The following ZNF804B variants were observed in gnomAD, a reference collection of about 807,000 sequenced individuals.
ZNF804B encodes the protein zinc finger 804B.
In ZNF804B, 80 loss-of-function variants were observed where a neutral mutation model predicts 101.4. The ratio of observed to expected loss-of-function variants is 0.79; its 90% CI spans 0.66 to 0.95. The LOEUF is 0.95. ZNF804B is among the 40% of genes least tolerant of loss of function. ZNF804B has a pLI of 0.00. For synonymous variants in ZNF804B, 622 were observed against 558.8 expected (o/e 1.11, Z -1.59); for missense variants, 1,673 against 1,561.9 (o/e 1.07, Z -1.20).
intron 1 of ZNF804B, among the ~76,000 whole-genome samples, chr7:89,097,011 A>G (rs1789980292): frequency 6.6e-6 from 1 of 152,114 alleles, no homozygotes; most frequent in Non-Finnish European, 1.5e-5. Flanking sequence ...GCTTATCCAG[A>G]AAGTCATTTT....
chr7:89,326,417 C>T (rs1220417483), intron 2 of ZNF804B, among the ~76,000 whole-genome samples: 1 of 152,078 alleles, frequency 6.6e-6, no homozygotes, highest in African/African-American at 2.4e-5. Context: ...ATTATTACGT[C>T]ACATGATAAC....
At chr7:88,963,431 C>G (rs981793934) in intron 1 of ZNF804B, among the ~76,000 whole-genome samples, 1 of 151,248 alleles carries the variant, frequency 6.6e-6, no homozygotes, top group Non-Finnish European at 1.5e-5. Context: ...GCAGTACTTT[C>G]AACAGATGGT....
chr7:88,773,677 C>T (rs1003344090), intron 1 of ZNF804B, among the ~76,000 whole-genome samples: 3 of 152,006 alleles, frequency 2.0e-5, no homozygotes, highest in African/African-American at 7.3e-5. Context: ...CACGGTTCTG[C>T]AGGCTTTACA....
chr7:88,915,844 G>A lies in ZNF804B; in HGVS notation c.108+155760G>A, dbSNP rs182717430. On this transcript the variant is annotated intron_variant, in intron 1 of 3. Transcript: ENST00000333190. ...GTTTTATCATAAAAATAAGGATAGTGTAACAATATCTATGATATAATATAT... is the reference window on the plus strand; with the variant it reads ...GTTTTATCATAAAAATAAGGATAGTATAACAATATCTATGATATAATATAT... 5.8e-3 allele frequency among the ~76,000 whole-genome samples: 881 copies of A among 151,456 alleles called. 8 individuals are homozygous for A. Among genetic ancestry groups the A allele is most frequent in the African/African-American group, 0.02 (836 of 41,096 alleles).
At chr7:88,862,746 T>C (rs1583983041) in intron 1 of ZNF804B, among the ~76,000 whole-genome samples, 1 of 152,176 alleles carries the variant, frequency 6.6e-6, no homozygotes, top group African/African-American at 2.4e-5. Context: ...GTGCCAACTA[T>C]GAACCCAGGT....
At chr7:89,045,401 C>A (rs559761339) in intron 1 of ZNF804B, among the ~76,000 whole-genome samples, 26 of 152,326 alleles carry the variant, frequency 1.7e-4, no homozygotes, top group African/African-American at 6.3e-4. Flanking sequence ...TAGAAAAGGA[C>A]CACCATTCTC....
At chr7:88,852,591 C>T (rs757028828) in intron 1 of ZNF804B, among the ~76,000 whole-genome samples, 3 of 152,090 alleles carry the variant, frequency 2.0e-5, no homozygotes, top group Non-Finnish European at 4.4e-5. Flanking sequence ...CTTATGCCCT[C>T]TTCATGATGG....
At chr7:88,946,554 C>CT (rs202172425) in intron 1 of ZNF804B, among the ~76,000 whole-genome samples, 71 of 128,144 alleles carry the variant, frequency 5.5e-4, no homozygotes, top group Admixed American at 2.5e-3. Flanking sequence ...CTGAAATTTT[C>CT]TTTTTTTTTT....
At chr7:89,012,813 A>G (rs1788484914) in intron 1 of ZNF804B, among the ~76,000 whole-genome samples, 1 of 152,116 alleles carries the variant, frequency 6.6e-6, no homozygotes, top group Admixed American at 6.6e-5. Context: ...CCAACGCCCC[A>G]CTACTCCCAG....
At chr7:89,033,902 A>G (rs1356016712) in intron 1 of ZNF804B, among the ~76,000 whole-genome samples, 1 of 152,118 alleles carries the variant, frequency 6.6e-6, no homozygotes, top group Non-Finnish European at 1.5e-5. Context: ...TTAAAGAACT[A>G]TGATCATTTA....
chr7:88,995,445 G>T (rs1181395031), intron 1 of ZNF804B, among the ~76,000 whole-genome samples: 1 of 151,970 alleles, frequency 6.6e-6, no homozygotes, highest in African/African-American at 2.4e-5. Context: ...CAACAAAAAT[G>T]ATGTATGGTA....
In ZNF804B at chr7:89,170,730, C is replaced by G. The variant is rs183727342; in HGVS notation, c.109-47425C>G. Reference sequence around the variant, plus strand: ...TTGTAAAGAAAAAGTCACATAATCCCCATTATATTGTTTGAAGCAAAAGAG... The same window carrying G: ...TTGTAAAGAAAAAGTCACATAATCCGCATTATATTGTTTGAAGCAAAAGAG... On this transcript the variant is annotated intron_variant, in intron 1 of 3. Coordinates refer to ENST00000333190, the MANE Select transcript of ZNF804B (RefSeq NM_181646.5). Among the ~76,000 whole-genome samples the G allele has an allele frequency of 4.8e-3, 735 of 152,256 alleles. 9 individuals carry two copies. The highest frequency in any genetic ancestry group is 5.7e-3 in the Non-Finnish European group (387 of 68,010).
chr7:88,976,305 A>T (rs1407353562), intron 1 of ZNF804B, among the ~76,000 whole-genome samples: 1 of 151,524 alleles, frequency 6.6e-6, no homozygotes, highest in South Asian at 2.1e-4. Context: ...TGGTATTTTG[A>T]TAGGGATTGA....
chr7:88,937,856 TGAGA>T (rs756874569), intron 1 of ZNF804B, among the ~76,000 whole-genome samples: 2 of 151,838 alleles, frequency 1.3e-5, no homozygotes, highest in African/African-American at 2.4e-5. Flanking sequence ...TTTACATCTT[TGAGA>T]GAGAGAGATT....
intron 1 of ZNF804B, among the ~76,000 whole-genome samples, chr7:89,135,621 G>A (rs113830613): frequency 0.016 from 2,389 of 151,302 alleles, 49 homozygotes; most frequent in African/African-American, 0.054. Context: ...CATCTTTCTT[G>A]TTCTTTCCAT....
chr7:89,160,540 A>G (rs1791042954), intron 1 of ZNF804B, among the ~76,000 whole-genome samples: 1 of 152,192 alleles, frequency 6.6e-6, no homozygotes, highest in South Asian at 2.1e-4. Flanking sequence ...CTGATTAGTA[A>G]TCACTAAATA....
At position 88,793,967 on chromosome 7, in the gene ZNF804B, C is replaced by T. The variant is rs565706692; in HGVS notation, c.108+33883C>T. 5.2e-5 allele frequency: 21 copies of T among 403,128 alleles called. No individual in the cohort carries two copies. In the South Asian group the frequency reaches 2.0e-3, roughly 38 times the overall value. The allele number at this position is 403,128 out of a possible 1,614,324, so 25.0% of individuals were successfully genotyped here. A position where few individuals can be genotyped will look rare whatever the true frequency, so the allele number is the denominator to read the frequency against. On this transcript the variant is annotated intron_variant, in intron 1 of 3. Coordinates refer to ENST00000333190, the MANE Select transcript of ZNF804B (RefSeq NM_181646.5). ...CTTATGATAAACTTATTAAACCCAT[C>T]TACCTAGTAAAATAATGTATTGAAC...
intron 1 of ZNF804B, among the ~76,000 whole-genome samples, chr7:88,836,516 A>T (rs900446454): frequency 6.6e-6 from 1 of 151,980 alleles, no homozygotes; most frequent in Non-Finnish European, 1.5e-5. Flanking sequence ...TTTTTAAATT[A>T]AGTAAAATTA....
At chr7:88,865,239 A>G (rs1791709256) in intron 1 of ZNF804B, among the ~76,000 whole-genome samples, 1 of 151,738 alleles carries the variant, frequency 6.6e-6, no homozygotes, top group Non-Finnish European at 1.5e-5. Context: ...AAAAAAAAAA[A>G]AAAAAAAATA....
Sources: gnomAD v4.1 joint callset for allele counts (sites outside exome capture counted in the v4.1 genomes callset) on GRCh38, gnomAD v4.1.1 for gene constraint, MANE v1.5 for transcripts, NCBI Gene and HGNC (gene_info 2026-07-23, HGNC 2026-07-21) for gene names.